Variants in PPOX observed in about 807,000 individuals in gnomAD.
The protein encoded by PPOX is protoporphyrinogen oxidase, also known as variegate porphyria.
A neutral mutation model predicts 54.1 loss-of-function variants in PPOX; 23 were observed. That is an observed-to-expected ratio of 0.43 (90% CI 0.31 to 0.60). PPOX has a LOEUF of 0.60. Among genes scored for constraint, PPOX ranks in the 20% least tolerant of loss-of-function variants. The probability of loss-of-function intolerance (pLI) is 0.13; values close to 1 mark genes in which losing one functional copy is unlikely to be tolerated. For missense variants in PPOX, 512 were observed against 601.1 expected, an observed-to-expected ratio of 0.85 and a Z score of 1.55; for synonymous variants, 224 against 236.1, an observed-to-expected ratio of 0.95 and a Z score of 0.47.
chr1:161,167,002 T>C (rs1284825387), intron 2 of PPOX, 68 bp downstream of exon 2: 1 of 1,611,668 alleles, frequency 6.2e-7, no homozygotes, highest in African/African-American at 1.3e-5. Context: ...AAAAGCTAGA[T>C]GGATCCTGGC....
downstream of PPOX, chr1:161,175,783 A>G (rs1454346359): frequency 6.2e-7 from 1 of 1,607,286 alleles, no homozygotes; most frequent in African/African-American, 1.3e-5. Context: ...CCTTCCTTTC[A>G]CCACCTCCTT....
chr1:161,167,272 G>C, intron 3 of PPOX, 38 bp downstream of exon 3: 2 of 1,614,136 alleles, frequency 1.2e-6, no homozygotes, highest in Non-Finnish European at 1.7e-6. Context: ...AGGTTGTGGA[G>C]GGGGCTTCCA....
chr1:161,170,553 C>T lies in PPOX; in HGVS notation c.1098+34C>T, dbSNP rs1323524744. 9 of 1,614,008 alleles carry T rather than the reference C, an allele frequency of 5.6e-6. No homozygotes were observed. In the South Asian group the frequency reaches 9.9e-5, roughly 18 times the overall value. ...GAGGAAACTTTGCCTAGTGGCATTT[C>T]CAGAGGGCTCCTCTGTGCTCCATTG... On this transcript the variant is annotated intron_variant, in intron 10 of 12. Transcript: ENST00000367999.
In PPOX at chr1:161,169,175, C is replaced by T. The variant is rs376945264; in HGVS notation, c.799C>T (p.Arg267Cys). Residue 267 changes from arginine to cysteine, a missense_variant, in exon 7 of 13, where the codon CGC (arginine) becomes TGC (cysteine). Transcript: ENST00000367999. ...VCGLSLQAEGRWKVSLRDSSL... is the reference protein window; with the variant it reads ...VCGLSLQAEGCWKVSLRDSSL... Reference sequence around the variant, plus strand: ...TGGGCTCAGCCTCCAGGCAGAAGGGCGCTGGAAGGTAGGGGAACCCCTGGA... The same window carrying T: ...TGGGCTCAGCCTCCAGGCAGAAGGGTGCTGGAAGGTAGGGGAACCCCTGGA... The T allele has an allele frequency of 3.0e-5, 48 of 1,613,822 alleles. No homozygotes were observed. Among genetic ancestry groups the T allele is most frequent in the Middle Eastern group, 3.3e-4 (2 of 6,062 alleles).
chr1:161,167,275 G>A, intron 3 of PPOX, 41 bp downstream of exon 3: 1 of 1,614,138 alleles, frequency 6.2e-7, no homozygotes, highest in South Asian at 1.1e-5. Flanking sequence ...TTGTGGAGGG[G>A]GCTTCCATTG....
downstream of PPOX, chr1:161,174,890 C>G: frequency 7.8e-7 from 1 of 1,286,916 alleles, no homozygotes; most frequent in Non-Finnish European, 1.1e-6. Flanking sequence ...GTCTGGCCTT[C>G]TTAAAATTAT....
rs36013429 is a variant in PPOX, at chr1:161,169,948, G to C, written c.911G>C (p.Arg304Pro). ...CCTGCTGAGGCTGCCCCTCTGGCTCGTGCCCTGAGTGCCATCACTGCAGTG... is the reference window on the plus strand; with the variant it reads ...CCTGCTGAGGCTGCCCCTCTGGCTCCTGCCCTGAGTGCCATCACTGCAGTG... ...LLPAEAAPLA[R>P]ALSAITAVSV... Residue 304 changes from arginine (R) to proline (P), a missense_variant, in exon 9 of 13, where the codon CGT becomes CCT. Coordinates refer to ENST00000367999, the MANE Select transcript of PPOX (RefSeq NM_001122764.3). The C allele has an allele frequency of 6.2e-7, 1 of 1,614,106 alleles. No homozygotes were observed. Among genetic ancestry groups the C allele is most frequent in the Non-Finnish European group, 8.5e-7 (1 of 1,179,998 alleles).
intron 4 of PPOX, chr1:161,176,817 G>A: frequency 3.3e-6 from 5 of 1,524,586 alleles, no homozygotes; most frequent in Non-Finnish European, 4.4e-6. Flanking sequence ...AGTGGGGACA[G>A]GACAGCTAAT....
chr1:161,166,234 G>A (rs767501489), upstream of PPOX: 1 of 966,480 alleles, frequency 1.0e-6, no homozygotes. Flanking sequence ...CGGTCCTGAG[G>A]AGGGCAGTGA....
intron 12 of PPOX, 41 bp downstream of exon 12, chr1:161,170,990 A>G (rs1661179271): frequency 4.3e-6 from 7 of 1,614,024 alleles, no homozygotes; most frequent in Non-Finnish European, 5.9e-6. Context: ...GGCCAAGGAC[A>G]TCAGACCCCC....
chr1:161,171,355 C>T, downstream of PPOX: 1 of 1,114,274 alleles, frequency 9.0e-7, no homozygotes, highest in Admixed American at 2.1e-5. Flanking sequence ...AATCCCAGCC[C>T]CCTGAGCCAG....
rs1311996036 is a variant in PPOX, at chr1:161,169,672, G to T, written c.820G>T (p.Asp274Tyr). Reference sequence around the variant, plus strand: ...TTCATGCTCTCAGGTATCTCTAAGGGACAGCAGTCTGGAGGCTGACCACGT... The same window carrying T: ...TTCATGCTCTCAGGTATCTCTAAGGTACAGCAGTCTGGAGGCTGACCACGT... ...AEGRWKVSLRDSSLEADHVIS... is the reference protein window; with the variant it reads ...AEGRWKVSLRYSSLEADHVIS... Residue 274 changes from aspartate to tyrosine, a missense_variant, in exon 8 of 13, where the codon GAC becomes TAC. By Grantham distance (160) the Asp-to-Tyr change is radical. Transcript: ENST00000367999. The T allele has an allele frequency of 2.5e-6, 4 of 1,614,056 alleles. No homozygotes were observed. Among genetic ancestry groups the T allele is most frequent in the Non-Finnish European group, 3.4e-6 (4 of 1,180,026 alleles).
In PPOX at chr1:161,167,082, T is replaced by C; in HGVS notation, c.88-18T>C. On this transcript the variant is annotated intron_variant, in intron 2 of 12. Transcript: ENST00000367999. ...CGGCTACAGGCGGTGCTGCAGTGTC[T>C]CTCCCTCTTGTCGCCAGGTGGTCCT... 1 of 1,614,142 alleles carries C rather than the reference T, an allele frequency of 6.2e-7. No homozygotes were observed. The highest frequency in any genetic ancestry group is 1.1e-5 in the South Asian group (1 of 91,084).
chr1:161,173,678 G>T (rs753902325), downstream of PPOX: 1 of 1,614,166 alleles, frequency 6.2e-7, no homozygotes, highest in South Asian at 1.1e-5. Flanking sequence ...TTCAGGTACT[G>T]GTCAGGAGTA....
At chr1:161,176,957 G>C in exon 5 of PPOX, 1 of 1,536,176 alleles carries the variant, frequency 6.5e-7, no homozygotes, top group Non-Finnish European at 8.7e-7. Context: ...TCATGTGCCT[G>C]GGTGCCAACT....
chr1:161,177,178 G>C, downstream of PPOX: 3 of 1,084,992 alleles, frequency 2.8e-6, no homozygotes, highest in South Asian at 3.0e-5. Context: ...ACCTAGAGGG[G>C]CGTGGTCCGC....
chr1:161,170,796 T>C (rs1301382985), intron 11 of PPOX, 27 bp downstream of exon 11: 1 of 1,613,868 alleles, frequency 6.2e-7, no homozygotes, highest in East Asian at 2.2e-5. Context: ...TTCCCTCAGC[T>C]CTCCACTGAA....
chr1:161,168,111 G>A lies in PPOX; in HGVS notation c.455G>A (p.Arg152His), dbSNP rs758609195. 1.4e-5 allele frequency: 22 copies of A among 1,614,098 alleles called. No individual in the cohort carries two copies. The highest frequency in any genetic ancestry group is 1.8e-5 in the Non-Finnish European group (21 of 1,180,016). The change falls in exon 5 of 13, where the codon CGC becomes CAC. Residue 152 changes from arginine to histidine, a missense_variant. Coordinates refer to ENST00000367999, the MANE Select transcript of PPOX (RefSeq NM_001122764.3). ...PDETVHSFAQ[R>H]RLGPEVASLA... is the part of the protein sequence containing the mutation. The stretch of plus-strand genomic sequence containing the variant: ...GAGACTGTGCACAGTTTTGCCCAGC[G>A]CCGCCTTGGACCTGAGGTGACACTT...
At position 161,176,771 on chromosome 1, in the gene PPOX, AC is replaced by A. The variant is rs1193449221; in HGVS notation, c.373-73del. On this transcript the variant is annotated intron_variant, in intron 4 of 4. Transcript: ENST00000497522. ...ATAAGTGTCAGGTTCATACTTAACC[AC>A]CCCCGTACCCCCACCCCAACAGGAC... The A allele has an allele frequency of 3.1e-6, 4 of 1,270,586 alleles. No homozygotes were observed. In the Admixed American group the frequency reaches 8.2e-5, roughly 26 times the overall value. The allele number at this position is 1,270,586 out of a possible 1,614,324, so 78.7% of individuals were successfully genotyped here.
Sources: allele counts gnomAD v4.1 joint callset, GRCh38; gene constraint gnomAD v4.1.1; transcripts MANE v1.5; gene names NCBI Gene and HGNC (gene_info 2026-07-23, HGNC 2026-07-21).